PAICS: variants seen among roughly 807,000 people sequenced by gnomAD.
The protein encoded by PAICS is phosphoribosylaminoimidazole carboxylase and phosphoribosylaminoimidazolesuccinocarboxamide synthase, also known as bifunctional phosphoribosylaminoimidazole carboxylase/phosphoribosylaminoimidazole succinocarboxamide synthetase.
In PAICS, 33 loss-of-function variants were observed where a neutral mutation model predicts 53.7. That is an observed-to-expected ratio of 0.61 (90% confidence interval 0.47 to 0.82). PAICS has a LOEUF of 0.82. Among genes scored for constraint, PAICS ranks in the 40% least tolerant of loss-of-function variants. PAICS has a pLI of 0.00. For missense variants in PAICS, 394 were observed against 494.1 expected (o/e 0.80, Z 1.92); for synonymous variants, 141 against 167.2 (o/e 0.84, Z 1.21).
intron 1 of PAICS, 55 bp downstream of exon 1, chr4:56,436,383 C>A: frequency 7.4e-7 from 1 of 1,348,414 alleles, no homozygotes; most frequent in Non-Finnish European, 1.0e-6. Context: ...AGGCCGTGAG[C>A]TCGCGGCCAC....
chr4:56,448,719 G>A lies in PAICS; in HGVS notation c.583G>A (p.Gly195Ser). Residue 195 changes from glycine to serine, a missense_variant, in exon 5 of 9, where the codon GGT (glycine) becomes AGT (serine). This residue lies in a region of PAICS where 131 missense variants were observed against 205.5 expected (regional missense o/e 0.64). Transcript: ENST00000512576. ...CTLVDMKIEF[G>S]VDVTTKEIVL... ...GACATGCTGTTTCCAGATTGAATTT[G>A]GTGTTGATGTAACCACCAAAGAAAT... 1 of 1,578,622 alleles carries A rather than the reference G, an allele frequency of 6.3e-7. No individual in the cohort carries two copies. Among genetic ancestry groups the A allele is most frequent in the Non-Finnish European group, 8.7e-7 (1 of 1,155,514 alleles).
chr4:56,414,527 T>A, the PAICS span, among the ~76,000 whole-genome samples: 1 of 152,228 alleles, frequency 6.6e-6, no homozygotes, highest in Non-Finnish European at 1.5e-5. Context: ...TTTATACAAA[T>A]GTATCGCAAG....
At chr4:56,428,172 T>C in the PAICS span, among the ~76,000 whole-genome samples, 1 of 152,210 alleles carries the variant, frequency 6.6e-6, no homozygotes, top group Non-Finnish European at 1.5e-5. Flanking sequence ...GCCATCACAG[T>C]TGCTTTAAGT....
Position 56,459,396 on chromosome 4 carries a change from C to A in PAICS, c.1136C>A (p.Ser379Tyr). 6.2e-7 allele frequency: 1 copy of A among 1,600,198 alleles called. No homozygotes were observed. Among genetic ancestry groups the A allele is most frequent in the East Asian group, 2.2e-5 (1 of 44,596 alleles). ...GGTCTTGGCTGTTCAACCGTACTTT[C>A]TCCAGAAGGATCAGCTCAATTTGCT... ...PSGLGCSTVL[S>Y]PEGSAQFAAQ... Residue 379 changes from serine to tyrosine, a missense_variant, in exon 9 of 9, where the codon TCT becomes TAT. Physicochemically the swap from Ser to Tyr is moderately radical, Grantham distance 144. Around this residue, in one of 3 missense-constraint regions of PAICS, gnomAD observed 95 missense variants for 89.3 expected, o/e 1.06. Coordinates refer to ENST00000512576, the MANE Select transcript of PAICS (RefSeq NM_001079524.2).
chr4:56,423,925 T>A, the PAICS span, among the ~76,000 whole-genome samples: 1 of 152,194 alleles, frequency 6.6e-6, no homozygotes, highest in Non-Finnish European at 1.5e-5. Context: ...TTAGGAAGAA[T>A]GTAATAGAAC....
At chr4:56,416,821 A>G in the PAICS span, among the ~76,000 whole-genome samples, 5 of 152,102 alleles carry the variant, frequency 3.3e-5, no homozygotes, top group African/African-American at 9.7e-5. Context: ...GAATCACCCA[A>G]TGAATTAAAT....
chr4:56,444,467 A>G (rs1222771346), intron 2 of PAICS, among the ~76,000 whole-genome samples: 1 of 152,186 alleles, frequency 6.6e-6, no homozygotes, highest in Non-Finnish European at 1.5e-5. Context: ...ATCTGGACCA[A>G]TCTAAAAGAG....
chr4:56,448,570 C>T lies in PAICS; in HGVS notation c.546C>T (p.Pro182=). The stretch of plus-strand genomic sequence containing the variant: ...AAATACTGGAGAAATCCTGGTTGCC[C>T]CAGAATTGTACACTGGTTGATATGA... ...IFEILEKSWL[P]QNCTLVDMKI... is the part of the protein sequence containing the mutation. The change falls in exon 4 of 9, where the codon CCC becomes CCT. Residue 182 remains proline (P), a synonymous_variant. Coordinates refer to ENST00000512576, the MANE Select transcript of PAICS (RefSeq NM_001079524.2). The T allele has an allele frequency of 1.1e-5, 18 of 1,605,064 alleles. No homozygotes were observed. Among genetic ancestry groups the T allele is most frequent in the Middle Eastern group, 1.7e-4 (1 of 6,052 alleles).
At chr4:56,413,054 T>C in the PAICS span, among the ~76,000 whole-genome samples, 1 of 152,230 alleles carries the variant, frequency 6.6e-6, no homozygotes, top group Non-Finnish European at 1.5e-5. Context: ...ATACCTTTTG[T>C]CCATTTTTAG....
At chr4:56,450,893 C>T (rs1482349864) in intron 6 of PAICS, 191 bp downstream of exon 6, 5 of 464,724 alleles carry the variant, frequency 1.1e-5, no homozygotes, top group African/African-American at 1.0e-4. Flanking sequence ...TCTCAGCTCA[C>T]TGCAAGCTCC....
chr4:56,435,746 G>T (rs564235783), upstream of PAICS: 2,085 of 1,486,884 alleles, frequency 1.4e-3, 4 homozygotes, highest in Non-Finnish European at 1.5e-3. Flanking sequence ...GCTGTAGGGT[G>T]GAGCTAGCCT....
chr4:56,412,870 T>C, the PAICS span, among the ~76,000 whole-genome samples: 47 of 152,328 alleles, frequency 3.1e-4, no homozygotes, highest in African/African-American at 9.9e-4. Context: ...AGTTGTTCTT[T>C]ACATTTTTAA....
chr4:56,435,982 G>T, upstream of PAICS: 1 of 1,525,706 alleles, frequency 6.6e-7, no homozygotes, highest in South Asian at 1.1e-5. Flanking sequence ...CGGGGTATGC[G>T]AGCTTCCGCA....
At chr4:56,417,386 A>G in the PAICS span, among the ~76,000 whole-genome samples, 1 of 152,218 alleles carries the variant, frequency 6.6e-6, no homozygotes, top group African/African-American at 2.4e-5. Flanking sequence ...TAATGACTTA[A>G]AACTCATGAA....
At chr4:56,429,742 A>T in the PAICS span, among the ~76,000 whole-genome samples, 1 of 152,230 alleles carries the variant, frequency 6.6e-6, no homozygotes, top group Admixed American at 6.5e-5. Context: ...TCCACCATTC[A>T]GGACATAAAA....
chr4:56,419,952 G>A, the PAICS span: 2 of 983,894 alleles, frequency 2.0e-6, no homozygotes, highest in Non-Finnish European at 2.4e-6. Context: ...TGCTATTCTG[G>A]GACCCAATAA....
At chr4:56,423,011 T>C in the PAICS span, 52 of 152,296 alleles carry the variant, frequency 3.4e-4, 1 homozygote, top group African/African-American at 1.3e-3. Context: ...CCCTCTGGTA[T>C]AGGGCACTAA....
chr4:56,445,942 G>T (rs1459053455), intron 2 of PAICS, among the ~76,000 whole-genome samples: 6 of 152,284 alleles, frequency 3.9e-5, no homozygotes, highest in Non-Finnish European at 7.4e-5. Flanking sequence ...GGCTCCTAGA[G>T]ACAGGGTAGG....
chr4:56,448,544 G>A lies in PAICS; in HGVS notation c.520G>A (p.Glu174Lys). Residue 174 changes from glutamate (E) to lysine (K), a missense_variant, in exon 4 of 9, where the codon GAA becomes AAA. Glu to Lys is a moderately conservative substitution (Grantham distance 56). This residue lies in a region of PAICS where 168 missense variants were observed against 199.3 expected (regional missense o/e 0.84). Coordinates refer to ENST00000512576, the MANE Select transcript of PAICS (RefSeq NM_001079524.2). ...IMSHATQAIF[E>K]ILEKSWLPQN... Reference sequence around the variant, plus strand: ...GAGTCATGCTACACAGGCTATATTTGAAATACTGGAGAAATCCTGGTTGCC... The same window carrying A: ...GAGTCATGCTACACAGGCTATATTTAAAATACTGGAGAAATCCTGGTTGCC... The A allele has an allele frequency of 6.2e-7, 1 of 1,610,084 alleles. No homozygotes were observed. Among genetic ancestry groups the A allele is most frequent in the Non-Finnish European group, 8.5e-7 (1 of 1,177,262 alleles).
Sources: allele counts gnomAD v4.1 joint callset (sites outside exome capture counted in the v4.1 genomes callset), GRCh38; gene constraint gnomAD v4.1.1; regional missense constraint gnomAD v4.1.1; transcripts MANE v1.5; gene names NCBI Gene and HGNC (gene_info 2026-07-23, HGNC 2026-07-21).